The following PEPD variants were observed in gnomAD, a reference collection of about 807,000 sequenced individuals.
PEPD encodes the protein xaa-Pro dipeptidase.
Under a neutral mutation model 60.7 loss-of-function variants are expected in PEPD, and 53 were observed. That is an observed-to-expected ratio of 0.87 (90% CI 0.70 to 1.10). The LOEUF (loss-of-function observed/expected upper bound fraction) is 1.10. Among genes scored for constraint, PEPD ranks in the 50% least tolerant of loss-of-function variants. The pLI is 0.00. For missense variants in PEPD, 711 were observed against 711.9 expected (o/e 1.00, Z 0.01); for synonymous variants, 267 against 284.1 (o/e 0.94, Z 0.60).
chr19:33,512,830 C>T, intron 1 of PEPD, 54 bp from the exon 2 acceptor site: 1 of 1,593,822 alleles, frequency 6.3e-7, no homozygotes, highest in Non-Finnish European at 8.6e-7. Context: ...CATCTCCAAG[C>T]ATGCCCACAC....
chr19:33,476,238 T>C (rs1001248127), intron 7 of PEPD, among the ~76,000 whole-genome samples: 4 of 152,138 alleles, frequency 2.6e-5, no homozygotes, highest in Non-Finnish European at 5.9e-5. Flanking sequence ...AGTGTGGCTG[T>C]GAGGGGCGTC....
At chr19:33,451,831 A>G (rs1298184351) in intron 9 of PEPD, among the ~76,000 whole-genome samples, 1 of 152,224 alleles carries the variant, frequency 6.6e-6, no homozygotes, top group African/African-American at 2.4e-5. Flanking sequence ...AAAGCAAAAT[A>G]TATAATAAAG....
chr19:33,461,654 G>A (rs1046521497), intron 9 of PEPD, among the ~76,000 whole-genome samples: 6 of 152,222 alleles, frequency 3.9e-5, no homozygotes, highest in African/African-American at 1.4e-4. Flanking sequence ...CCGGGGCAGT[G>A]CCAATCTGAG....
chr19:33,490,807 G>T (rs935287783), intron 5 of PEPD, among the ~76,000 whole-genome samples: 1 of 152,130 alleles, frequency 6.6e-6, no homozygotes, highest in Admixed American at 6.5e-5. Context: ...GGGATTACAG[G>T]TGCGCACCAC....
At chr19:33,475,209 G>T (rs1350237557) in intron 7 of PEPD, among the ~76,000 whole-genome samples, 2 of 152,050 alleles carry the variant, frequency 1.3e-5, no homozygotes, top group African/African-American at 4.8e-5. Context: ...TGCCCGAGTT[G>T]ATGGTTTCCT....
At chr19:33,404,282 G>C (rs939462935) in intron 11 of PEPD, among the ~76,000 whole-genome samples, 1 of 152,176 alleles carries the variant, frequency 6.6e-6, no homozygotes. Context: ...TGGTTTGTTG[G>C]TTTTAGAACA....
chr19:33,464,025 G>A lies in PEPD; in HGVS notation c.586C>T (p.Arg196Cys), dbSNP rs368647287. The change falls in exon 8 of 15, where the codon CGC becomes TGC. Residue 196 changes from arginine to cysteine, a missense_variant. Coordinates refer to ENST00000244137, the MANE Select transcript of PEPD (RefSeq NM_000285.4). Reference sequence around the variant, plus strand: ...TCGCTGGAGATTTTATTGGTATAGCGCAGAACCTCCAGCTCCATATCCGTC... The same window carrying A: ...TCGCTGGAGATTTTATTGGTATAGCACAGAACCTCCAGCTCCATATCCGTC... ...FKTDMELEVL[R>C]YTNKISSEAH... 1.7e-5 allele frequency: 28 copies of A among 1,613,164 alleles called. No homozygotes were observed. In the African/African-American group the frequency reaches 2.1e-4, roughly 12 times the overall value.
intron 6 of PEPD, among the ~76,000 whole-genome samples, chr19:33,481,359 G>T (rs10406565): frequency 0.4 from 60,118 of 151,978 alleles, 12,539 homozygotes; most frequent in African/African-American, 0.53. Flanking sequence ...CTGAGGTCAG[G>T]AGTTCGAGAC....
chr19:33,416,366 A>C (rs1447401865), intron 9 of PEPD, among the ~76,000 whole-genome samples: 1 of 152,128 alleles, frequency 6.6e-6, no homozygotes. Context: ...TACCCACCCA[A>C]AATAATTAAC....
At chr19:33,435,017 A>C (rs1969347424) in intron 9 of PEPD, among the ~76,000 whole-genome samples, 1 of 152,134 alleles carries the variant, frequency 6.6e-6, no homozygotes, top group South Asian at 2.1e-4. Flanking sequence ...GGGAAAGATC[A>C]AAGTGTGAGC....
intron 4 of PEPD, among the ~76,000 whole-genome samples, chr19:33,500,348 G>A (rs1291980041): frequency 6.6e-6 from 1 of 152,228 alleles, no homozygotes; most frequent in Non-Finnish European, 1.5e-5. Context: ...CTGGCAGGAA[G>A]GAGAGCTGGA....
chr19:33,391,288 C>T lies in PEPD; in HGVS notation c.1152+7G>A, dbSNP rs1968211917. ...CAGGCCACTCCGCCTGCCATGTCCA[C>T]ACTGACCTCTGGGTAGCCTCCCACG... On this transcript the variant is annotated splice_region_variant and intron_variant, in intron 13 of 14. Coordinates refer to ENST00000244137, the MANE Select transcript of PEPD (RefSeq NM_000285.4). The T allele has an allele frequency of 3.1e-6, 5 of 1,609,188 alleles. No homozygotes were observed. The South Asian group carries it at 4.4e-5, about 14-fold the overall frequency.
Position 33,388,046 on chromosome 19 carries a change from G to C in PEPD, c.1188C>G (p.Ser396Arg), listed in dbSNP as rs1968120947. 8 of 1,557,858 alleles carry C rather than the reference G, an allele frequency of 5.1e-6. No individual in the cohort carries two copies. Among genetic ancestry groups the C allele is most frequent in the Non-Finnish European group, 6.9e-6 (8 of 1,151,614 alleles). Reference protein sequence around the residue: ...VERIDEPGLRSLRTARHLQPG... With the variant: ...VERIDEPGLRRLRTARHLQPG... ...GCTGCAGGTGCCGTGCAGTGCGCAG[G>C]CTCCGCAGGCCGGGCTCGTCGATGC... The change falls in exon 14 of 15, where the codon AGC becomes AGG. Residue 396 changes from serine to arginine, a missense_variant. Ser to Arg is a moderately radical substitution (Grantham distance 110, BLOSUM62 -1). Coordinates refer to ENST00000244137, the MANE Select transcript of PEPD (RefSeq NM_000285.4).
intron 9 of PEPD, among the ~76,000 whole-genome samples, chr19:33,441,483 G>A (rs1435421673): frequency 6.6e-6 from 1 of 152,222 alleles, no homozygotes; most frequent in Non-Finnish European, 1.5e-5. Context: ...ACCTTGCTCA[G>A]ACCTGCACGT....
intron 6 of PEPD, chr19:33,487,205 G>A (rs2145312061): frequency 6.6e-6 from 1 of 152,446 alleles, no homozygotes; most frequent in Admixed American, 6.5e-5. Flanking sequence ...CGGCACAAAA[G>A]TGCTGGCAGC....
chr19:33,482,005 G>C (rs749635945), intron 6 of PEPD, among the ~76,000 whole-genome samples: 1 of 151,984 alleles, frequency 6.6e-6, no homozygotes, highest in Non-Finnish European at 1.5e-5. Context: ...GGGAGATAGA[G>C]AGACTCCATC....
intron 9 of PEPD, among the ~76,000 whole-genome samples, chr19:33,435,074 C>A (rs1406766794): frequency 6.6e-6 from 1 of 152,196 alleles, no homozygotes; most frequent in Non-Finnish European, 1.5e-5. Flanking sequence ...AGGCAGAGAA[C>A]CTTGGGCGCT....
chr19:33,484,759 TAGAC>T (rs1484910449), intron 6 of PEPD, among the ~76,000 whole-genome samples: 1 of 151,660 alleles, frequency 6.6e-6, no homozygotes, highest in Non-Finnish European at 1.5e-5. Context: ...TATACACAGA[TAGAC>T]ACACACACAC....
At chr19:33,506,771 ACAC>A (rs1970821175) in intron 3 of PEPD, among the ~76,000 whole-genome samples, 1 of 137,486 alleles carries the variant, frequency 7.3e-6, no homozygotes. Flanking sequence ...AAAAACCTAC[ACAC>A]CACACACACA....
Sources: gnomAD v4.1 joint callset for allele counts (sites outside exome capture counted in the v4.1 genomes callset) on GRCh38, gnomAD v4.1.1 for gene constraint, MANE v1.5 for transcripts, NCBI Gene and HGNC (gene_info 2026-07-23, HGNC 2026-07-21) for gene names.